PCED1B: variants seen among roughly 807,000 people sequenced by gnomAD.
PCED1B encodes the protein PC-esterase domain containing 1B.
For synonymous variants in PCED1B, 251 were observed against 246.1 expected, an observed-to-expected ratio of 1.02 and a Z score of -0.19; for missense variants, 573 against 573.9, an observed-to-expected ratio of 1.00 and a Z score of 0.02.
At chr12:47,150,964 G>A (rs183011561) in intron 2 of PCED1B, among the ~76,000 whole-genome samples, 9 of 152,154 alleles carry the variant, frequency 5.9e-5, no homozygotes, top group South Asian at 2.1e-4. Flanking sequence ...GGTAACAAGC[G>A]AACAATTACA....
At chr12:47,108,145 G>A (rs1268993616) in intron 2 of PCED1B, among the ~76,000 whole-genome samples, 1 of 152,120 alleles carries the variant, frequency 6.6e-6, no homozygotes. Context: ...AAGATGATGA[G>A]GATTTCCAGA....
At chr12:47,128,908 G>A (rs1020928448) in intron 2 of PCED1B, among the ~76,000 whole-genome samples, 4 of 152,300 alleles carry the variant, frequency 2.6e-5, no homozygotes, top group South Asian at 2.1e-4. Flanking sequence ...TTTTTATAAG[G>A]ACACTTGGGA....
intron 2 of PCED1B, among the ~76,000 whole-genome samples, chr12:47,151,580 A>G (rs977266746): frequency 1.3e-5 from 2 of 152,210 alleles, no homozygotes; most frequent in African/African-American, 4.8e-5. Context: ...GGAAGTTCCA[A>G]GATTTACCAC....
intron 2 of PCED1B, chr12:47,206,104 T>C (rs1395429051): frequency 1.3e-5 from 2 of 152,336 alleles, no homozygotes; most frequent in East Asian, 3.9e-4. Context: ...TGAACCAGTT[T>C]ACCGATCTGG....
intron 1 of PCED1B, among the ~76,000 whole-genome samples, chr12:47,097,305 G>A (rs1309946107): frequency 1.3e-5 from 2 of 152,016 alleles, no homozygotes; most frequent in Non-Finnish European, 2.9e-5. Context: ...CTTCTTAAAC[G>A]AGCACCCTCT....
intron 2 of PCED1B, among the ~76,000 whole-genome samples, chr12:47,215,838 TGAGGTAAGGAGTTCGAGACCAG>T (rs879735899): frequency 0.056 from 8,486 of 151,812 alleles, 267 homozygotes; most frequent in African/African-American, 0.095. Flanking sequence ...GTGGATCACC[TGAGGTAAGGAGTTCGAGACCAG>T]ACTGGCCAAC....
At chr12:47,095,265 A>G (rs1280101874) in intron 1 of PCED1B, among the ~76,000 whole-genome samples, 1 of 152,058 alleles carries the variant, frequency 6.6e-6, no homozygotes, top group Non-Finnish European at 1.5e-5. Context: ...AAAGTTGACA[A>G]TATTGTCTTC....
At chr12:47,146,827 C>T (rs1940803712) in intron 2 of PCED1B, among the ~76,000 whole-genome samples, 1 of 152,308 alleles carries the variant, frequency 6.6e-6, no homozygotes, top group Non-Finnish European at 1.5e-5. Context: ...AGCCACAATA[C>T]TTCTCAGATA....
intron 2 of PCED1B, among the ~76,000 whole-genome samples, chr12:47,106,967 G>A (rs958638293): frequency 1.3e-5 from 2 of 151,962 alleles, no homozygotes; most frequent in African/African-American, 4.8e-5. Context: ...TCTGGACAGG[G>A]GATGCCCCAA....
intron 1 of PCED1B, among the ~76,000 whole-genome samples, chr12:47,092,805 T>C (rs549971109): frequency 3.3e-5 from 5 of 150,928 alleles, no homozygotes; most frequent in Admixed American, 1.3e-4. Flanking sequence ...TGTGGTGAAT[T>C]ATGTTTATGA....
chr12:47,196,310 C>G (rs1942600672), intron 2 of PCED1B, among the ~76,000 whole-genome samples: 1 of 152,170 alleles, frequency 6.6e-6, no homozygotes, highest in Non-Finnish European at 1.5e-5. Flanking sequence ...ACTAGATGTG[C>G]CTACCAGAAA....
chr12:47,227,607 A>G (rs1244051868), intron 3 of PCED1B, among the ~76,000 whole-genome samples: 1 of 151,970 alleles, frequency 6.6e-6, no homozygotes, highest in African/African-American at 2.4e-5. Context: ...TAATCCCAGC[A>G]CTTTGGGAGG....
intron 2 of PCED1B, among the ~76,000 whole-genome samples, chr12:47,204,264 A>AT: frequency 6.8e-6 from 1 of 147,686 alleles, no homozygotes; most frequent in East Asian, 1.9e-4. Context: ...ATGAATTTAA[A>AT]ATTTTTTTTT....
chr12:47,153,332 G>A (rs1941070703), intron 2 of PCED1B, among the ~76,000 whole-genome samples: 1 of 143,898 alleles, frequency 6.9e-6, no homozygotes, highest in Non-Finnish European at 1.5e-5. Context: ...CTCCAGCCTG[G>A]GTGACAGAGC....
intron 1 of PCED1B, among the ~76,000 whole-genome samples, chr12:47,087,156 GA>G (rs1486828684): frequency 3.9e-5 from 6 of 152,158 alleles, no homozygotes; most frequent in Admixed American, 3.9e-4. Flanking sequence ...ACAGTGAAAA[GA>G]AACATCACAT....
At chr12:47,189,608 C>A (rs1488620711) in intron 2 of PCED1B, among the ~76,000 whole-genome samples, 2 of 152,206 alleles carry the variant, frequency 1.3e-5, no homozygotes, top group Non-Finnish European at 2.9e-5. Flanking sequence ...CTACCGCTAA[C>A]ATCAAATCCA....
intron 1 of PCED1B, among the ~76,000 whole-genome samples, chr12:47,085,317 C>T (rs1390261724): frequency 2.6e-5 from 4 of 152,216 alleles, no homozygotes; most frequent in Non-Finnish European, 5.9e-5. Flanking sequence ...TTTGTTTCTT[C>T]ACCTGCCAGT....
intron 2 of PCED1B, among the ~76,000 whole-genome samples, chr12:47,143,982 G>T (rs752954832): frequency 3.9e-5 from 6 of 152,096 alleles, no homozygotes; most frequent in Non-Finnish European, 7.4e-5. Context: ...CCTAGTTGGG[G>T]CTCTCTGTAG....
chr12:47,089,461 C>CATGTATATATATATGTATAT lies in PCED1B; in HGVS notation c.-609+9738_-609+9739insGTATATATATATGTATATAT, dbSNP rs1233280547. On this transcript the variant is annotated intron_variant, in intron 1 of 3. Transcript: ENST00000546455. ...GACTCCATCTCAAAAAAAAAAAATA[C>CATGTATATATATATGTATAT]ATATATATATATATATATATATATA... is the stretch of plus-strand genomic sequence containing the variant. 6.3e-4 allele frequency among the ~76,000 whole-genome samples: 40 copies of CATGTATATATATATGTATAT among 63,410 alleles called. 1 individual carries two copies. Among genetic ancestry groups the CATGTATATATATATGTATAT allele is most frequent in the Non-Finnish European group, 1.0e-3 (36 of 34,446 alleles). 41.6% of individuals were successfully genotyped at this position (63,410 alleles called of 152,430 possible).
Sources: allele counts gnomAD v4.1 joint callset (sites outside exome capture counted in the v4.1 genomes callset), GRCh38; gene constraint gnomAD v4.1.1; transcripts MANE v1.5; gene names NCBI Gene and HGNC (gene_info 2026-07-23, HGNC 2026-07-21).